The following VPS50 variants were observed in gnomAD, a reference collection of about 807,000 sequenced individuals.
VPS50 encodes the protein VPS50 subunit of EARP/GARPII complex, also known as syndetin.
In VPS50, 70 loss-of-function variants were observed where a neutral mutation model predicts 139.7. The observed-to-expected ratio is 0.50, with a 90% CI of 0.41 to 0.61. VPS50 has a LOEUF of 0.61. Ranked by LOEUF, VPS50 falls within the 20% of genes least tolerant of loss-of-function variation. VPS50 has a pLI of 0.00. For missense variants in VPS50, 921 were observed against 1,133.7 expected, an observed-to-expected ratio of 0.81 and a Z score of 2.69; for synonymous variants, 365 against 376.7, an observed-to-expected ratio of 0.97 and a Z score of 0.36.
chr7:93,303,467 C>T lies in VPS50; in HGVS notation c.1369C>T (p.Leu457Phe). The change falls in exon 17 of 28, where the codon CTC becomes TTC. Residue 457 changes from leucine to phenylalanine, a missense_variant. Leu to Phe is a conservative substitution (Grantham distance 22). Coordinates refer to ENST00000305866, the MANE Select transcript of VPS50 (RefSeq NM_017667.4). The part of the protein sequence containing the change: ...NYFKNYHRTR[L>F]DELRMFLENE... ...TCATTTTCTTTTTTTAAGAACACGG[C>T]TCGATGAACTGAGAATGTTCTTAGA... 1 of 1,553,100 alleles carries T rather than the reference C, an allele frequency of 6.4e-7. No individual in the cohort carries two copies. Among genetic ancestry groups the T allele is most frequent in the South Asian group, 1.2e-5 (1 of 84,928 alleles).
chr7:93,281,157 C>T (rs573619460), intron 12 of VPS50, among the ~76,000 whole-genome samples: 270 of 152,234 alleles, frequency 1.8e-3, no homozygotes, highest in Non-Finnish European at 3.4e-3. Context: ...TGTACTTTTA[C>T]AGGTGCTTTA....
chr7:93,245,294 T>C (rs1421605993), intron 2 of VPS50, among the ~76,000 whole-genome samples: 1 of 151,664 alleles, frequency 6.6e-6, no homozygotes, highest in Non-Finnish European at 1.5e-5. Context: ...AAGGGTTGCA[T>C]TGGAAGGACA....
intron 22 of VPS50, among the ~76,000 whole-genome samples, chr7:93,336,704 G>A (rs1798078337): frequency 6.6e-6 from 1 of 152,122 alleles, no homozygotes; most frequent in Non-Finnish European, 1.5e-5. Context: ...AGTAGAGACA[G>A]GTTTGCCATG....
chr7:93,342,393 G>A (rs967904366), intron 23 of VPS50, among the ~76,000 whole-genome samples: 7 of 152,210 alleles, frequency 4.6e-5, no homozygotes, highest in Non-Finnish European at 8.8e-5. Flanking sequence ...CGGCAGTGAC[G>A]CTGGGGGAGG....
Position 93,258,169 on chromosome 7 carries a change from A to G in VPS50, c.433A>G (p.Ile145Val). The change falls in exon 7 of 28, where the codon ATT (isoleucine) becomes GTT (valine). Residue 145 changes from isoleucine (I) to valine (V), a missense_variant. By Grantham distance (29) the Ile-to-Val change is conservative. Around this residue, in one of 3 missense-constraint regions of VPS50, gnomAD observed 744 missense variants for 930.6 expected, o/e 0.80. Coordinates refer to ENST00000305866, the MANE Select transcript of VPS50 (RefSeq NM_017667.4). ...ICTNGRRHLN[I>V]AKEGFTQASL... ...TGTTCACTTTTGCAGACACTTGAAT[A>G]TTGCAAAGGAAGGTTTTACTCAAGC... 6.7e-7 allele frequency: 1 copy of G among 1,492,280 alleles called. No individual in the cohort carries two copies. The allele number at this position is 1,492,280 out of a possible 1,614,324, so 92.4% of individuals were successfully genotyped here.
At chr7:93,276,817 G>A (rs1167948396) in intron 12 of VPS50, among the ~76,000 whole-genome samples, 4 of 152,206 alleles carry the variant, frequency 2.6e-5, no homozygotes, top group African/African-American at 9.6e-5. Flanking sequence ...AGGAGTTGAT[G>A]TAGACTGTGA....
At chr7:93,251,031 A>G (rs1026975331) in intron 2 of VPS50, among the ~76,000 whole-genome samples, 1 of 152,250 alleles carries the variant, frequency 6.6e-6, no homozygotes, top group Non-Finnish European at 1.5e-5. Flanking sequence ...AGGAAACAAC[A>G]GATGCTGGAG....
rs1798810870 is a variant in VPS50 at position 93,360,649 on chromosome 7, T to C, written c.*2213T>C. 6.6e-6 allele frequency: 1 copy of C among 152,044 alleles called. No homozygotes were observed. Among genetic ancestry groups the C allele is most frequent in the Non-Finnish European group, 1.5e-5 (1 of 67,966 alleles). 9.4% of individuals were successfully genotyped at this position (152,044 alleles called of 1,614,324 possible). On this transcript the variant is annotated 3_prime_UTR_variant, in exon 28 of 28. Coordinates refer to ENST00000305866, the MANE Select transcript of VPS50 (RefSeq NM_017667.4). The stretch of plus-strand genomic sequence containing the variant: ...GGAATTATACGTGTTCCAAAAACTA[T>C]CATTACCAAAAATTTATTATTTTTG...
At chr7:93,310,763 C>A (rs896911887) in intron 19 of VPS50, among the ~76,000 whole-genome samples, 3 of 151,848 alleles carry the variant, frequency 2.0e-5, no homozygotes, top group African/African-American at 7.3e-5. Context: ...TCTTTTGAAC[C>A]TTATGCTGCC....
At chr7:93,297,681 C>T (rs1467479957) in intron 16 of VPS50, among the ~76,000 whole-genome samples, 1 of 152,018 alleles carries the variant, frequency 6.6e-6, no homozygotes, top group Non-Finnish European at 1.5e-5. Context: ...ATTCAGAATT[C>T]CCCTATAAAT....
chr7:93,270,920 T>C (rs1795985190), intron 9 of VPS50: 2 of 220,498 alleles, frequency 9.1e-6, no homozygotes, highest in South Asian at 2.2e-4. Flanking sequence ...CACACAAACA[T>C]TGTTTATATA....
chr7:93,341,676 A>C, intron 23 of VPS50, 101 bp downstream of exon 23: 1 of 659,336 alleles, frequency 1.5e-6, no homozygotes, highest in Non-Finnish European at 2.6e-6. Flanking sequence ...TACATCTACC[A>C]CTTCTAAATA....
At chr7:93,311,461 T>G (rs567069895) in intron 20 of VPS50, among the ~76,000 whole-genome samples, 189 bp downstream of exon 20, 7 of 152,154 alleles carry the variant, frequency 4.6e-5, no homozygotes, top group Non-Finnish European at 8.8e-5. Flanking sequence ...TAATGCCAGT[T>G]TTTCTTTTTC....
intron 23 of VPS50, among the ~76,000 whole-genome samples, chr7:93,348,090 C>G (rs1798455310): frequency 6.6e-6 from 1 of 151,996 alleles, no homozygotes; most frequent in Non-Finnish European, 1.5e-5. Context: ...AAAATGTAGT[C>G]CAATATAACA....
intron 2 of VPS50, chr7:93,246,231 C>T (rs1795149682): frequency 9.3e-6 from 7 of 755,606 alleles, no homozygotes; most frequent in African/African-American, 1.8e-5. Context: ...CAAAGATTTG[C>T]TGTGGCAAAC....
At position 93,283,402 on chromosome 7, in the gene VPS50, AT is replaced by A. The variant is rs1796388092; in HGVS notation, c.942+7102del. On this transcript the variant is annotated intron_variant, in intron 12 of 27. Transcript: ENST00000305866. ...CAGCTCCCACCACCACACCCGGCTA[AT>A]TTTTGTATTTTGATTAGAGACGAGG... Among the ~76,000 whole-genome samples, 5 of 151,802 alleles carry A rather than the reference AT, an allele frequency of 3.3e-5. No homozygotes were observed. In the South Asian group the frequency reaches 1.0e-3, roughly 32 times the overall value.
chr7:93,330,166 G>A (rs2117037630), intron 21 of VPS50, among the ~76,000 whole-genome samples: 1 of 152,234 alleles, frequency 6.6e-6, no homozygotes, highest in African/African-American at 2.4e-5. Flanking sequence ...CAAGATTTCT[G>A]TATATTAGTA....
In VPS50 at chr7:93,272,711, A is replaced by G. The variant is rs768885678; in HGVS notation, c.779A>G (p.Tyr260Cys). ...INHYTKVQQA[Y>C]RLLGKTQTAM... ...CATTATACCAAGGTTCAACAAGCTT[A>G]TCGACTTCTTGGAAAAACACAGGTT... Residue 260 changes from tyrosine (Y) to cysteine (C), a missense_variant, in exon 11 of 28, where the codon TAT becomes TGT. This residue lies in a region of VPS50 where 744 missense variants were observed against 930.6 expected (regional missense o/e 0.80). Transcript: ENST00000305866. The G allele has an allele frequency of 2.8e-5, 43 of 1,551,118 alleles. No homozygotes were observed. Among genetic ancestry groups the G allele is most frequent in the Non-Finnish European group, 3.4e-5 (39 of 1,140,204 alleles).
At chr7:93,340,396 A>C (rs1452369726) in intron 22 of VPS50, among the ~76,000 whole-genome samples, 1 of 152,232 alleles carries the variant, frequency 6.6e-6, no homozygotes, top group African/African-American at 2.4e-5. Context: ...AGCCTTGTGC[A>C]TCTTTACCCA....
Sources: gnomAD v4.1 joint callset for allele counts (sites outside exome capture counted in the v4.1 genomes callset) on GRCh38, gnomAD v4.1.1 for gene constraint, gnomAD v4.1.1 regional missense constraint, MANE v1.5 for transcripts, NCBI Gene and HGNC (gene_info 2026-07-23, HGNC 2026-07-21) for gene names.